CSMD3: variants seen among roughly 807,000 people sequenced by gnomAD.
The protein encoded by CSMD3 is CUB and sushi domain-containing protein 3.
CSMD3 carries 177 observed loss-of-function variants against 435.2 expected under a neutral mutation model. The observed-to-expected ratio is 0.41, with a 90% CI of 0.36 to 0.46. CSMD3 has a LOEUF of 0.46. CSMD3 is among the 20% of genes least tolerant of loss of function. The pLI, the probability that CSMD3 is intolerant of heterozygous loss-of-function variation, is 0.34. For synonymous variants in CSMD3, 1,656 were observed against 1,520.5 expected (o/e 1.09, Z -2.07); for missense variants, 4,265 against 4,504.6 (o/e 0.95, Z 1.52).
At position 112,492,470 on chromosome 8, in the gene CSMD3, C is replaced by CA. The variant is rs747688162; in HGVS notation, c.5278+18dup. 9 of 1,607,390 alleles carry CA rather than the reference C, an allele frequency of 5.6e-6. No individual in the cohort carries two copies. In the African/African-American group the frequency reaches 1.1e-4, roughly 19 times the overall value. ...TTTTTTCTAATCATGAAAATTCAGC[C>CA]AAAAAATATGTTCCTTACCATGACA... On this transcript the variant is annotated intron_variant, in intron 31 of 70. Transcript: ENST00000297405.
At position 112,638,993 on chromosome 8, in the gene CSMD3, G is replaced by T. The variant is rs372895234; in HGVS notation, c.3311-82C>A. The T allele has an allele frequency of 3.3e-6, 3 of 905,398 alleles. No homozygotes were observed. The East Asian group carries it at 7.8e-5, about 23-fold the overall frequency. The allele number at this position is 905,398 out of a possible 1,614,324, so 56.1% of individuals were successfully genotyped here. A position where few individuals can be genotyped will look rare whatever the true frequency, so the allele number is the denominator to read the frequency against. ...TTACTGTCAAACTAACTATTAGCCA[G>T]GACTTTACTTATAATTAAATTTTCT... On this transcript the variant is annotated intron_variant, in intron 20 of 70. Transcript: ENST00000297405.
chr8:113,046,237 A>T (rs1456776423), intron 5 of CSMD3, among the ~76,000 whole-genome samples: 1 of 149,036 alleles, frequency 6.7e-6, no homozygotes, highest in Non-Finnish European at 1.5e-5. Context: ...GTGTGAGGGA[A>T]AGGCCCCTAC....
chr8:112,636,750 G>A (rs2074671164), intron 22 of CSMD3, 67 bp downstream of exon 22: 6 of 1,261,128 alleles, frequency 4.8e-6, no homozygotes, highest in African/African-American at 1.5e-5. Flanking sequence ...AGAACGAAGG[G>A]TGTAACCATG....
chr8:113,436,621 T>C (rs2130148120), intron 1 of CSMD3, 56 bp downstream of exon 1: 3 of 1,506,864 alleles, frequency 2.0e-6, no homozygotes, highest in Non-Finnish European at 2.8e-6. Context: ...CCTCTCTCCA[T>C]CTACAAGTCA....
intron 20 of CSMD3, among the ~76,000 whole-genome samples, chr8:112,640,826 G>C (rs2074802646): frequency 6.6e-6 from 1 of 151,912 alleles, no homozygotes; most frequent in Non-Finnish European, 1.5e-5. Context: ...TCTTATTTCT[G>C]CTATAAAGCT....
chr8:112,718,426 T>C lies in CSMD3; in HGVS notation c.1973-28376A>G, dbSNP rs965638961. Among the ~76,000 whole-genome samples the C allele has an allele frequency of 3.9e-5, 6 of 152,028 alleles. No homozygotes were observed. In the East Asian group the frequency reaches 9.7e-4, roughly 25 times the overall value. The stretch of plus-strand genomic sequence containing the variant: ...CTCAACTCAACTCAAAATCACACTT[T>C]GATAGGCAAAGCTTGAACTATTTCA... On this transcript the variant is annotated intron_variant, in intron 13 of 70. Coordinates refer to ENST00000297405, the MANE Select transcript of CSMD3 (RefSeq NM_198123.2).
chr8:112,730,518 T>C (rs1251454438), intron 13 of CSMD3, among the ~76,000 whole-genome samples: 1 of 152,140 alleles, frequency 6.6e-6, no homozygotes, highest in Non-Finnish European at 1.5e-5. Context: ...CTTGCAGTAG[T>C]TTGACAATAT....
chr8:112,692,766 G>C (rs894158579), intron 13 of CSMD3, among the ~76,000 whole-genome samples: 1 of 152,074 alleles, frequency 6.6e-6, no homozygotes, highest in African/African-American at 2.4e-5. Flanking sequence ...TCCAAAAATA[G>C]GTAAGTATAG....
At chr8:112,408,259 T>C in intron 34 of CSMD3, 59 bp downstream of exon 34, 1 of 976,662 alleles carries the variant, frequency 1.0e-6, no homozygotes, top group South Asian at 1.3e-5. Context: ...AAACTCTGAA[T>C]ACATCATGGG....
At position 112,234,806 on chromosome 8, in the gene CSMD3, A is replaced by C. The variant is rs1025883821; in HGVS notation, c.10628-329T>G. On this transcript the variant is annotated intron_variant, in intron 67 of 70. Coordinates refer to ENST00000297405, the MANE Select transcript of CSMD3 (RefSeq NM_198123.2). ...TTTCTTCCCACAATCAGATTCTAAA[A>C]TTTTCAAGCATACAAATCCAGTGTT... 2.0e-5 allele frequency among the ~76,000 whole-genome samples: 3 copies of C among 152,290 alleles called. 1 individual carries two copies. The highest frequency in any genetic ancestry group is 6.8e-3 in the Middle Eastern group (2 of 294).
chr8:113,134,849 G>T (rs1432509362), intron 4 of CSMD3, among the ~76,000 whole-genome samples: 2 of 151,964 alleles, frequency 1.3e-5, no homozygotes, highest in Non-Finnish European at 2.9e-5. Context: ...GGTGGCATCT[G>T]TTCAGCTTCC....
chr8:113,410,954 A>AAAGAAAGAAAGG (rs1554633027), intron 1 of CSMD3, among the ~76,000 whole-genome samples: 1 of 147,076 alleles, frequency 6.8e-6, no homozygotes, highest in Non-Finnish European at 1.5e-5. Flanking sequence ...AGAAAGAAAG[A>AAAGAAAGAAAGG]GAAGGGAGGG....
At chr8:112,678,093 G>A (rs2075807330) in intron 16 of CSMD3, among the ~76,000 whole-genome samples, 1 of 152,134 alleles carries the variant, frequency 6.6e-6, no homozygotes, top group South Asian at 2.1e-4. Context: ...TCCATTGGGA[G>A]GGTAGCCTGC....
intron 5 of CSMD3, among the ~76,000 whole-genome samples, chr8:113,055,950 G>C (rs554169310): frequency 6.6e-6 from 1 of 152,178 alleles, no homozygotes; most frequent in African/African-American, 2.4e-5. Flanking sequence ...AACTGTGACA[G>C]TTGGGTGAAG....
In CSMD3 at chr8:112,800,238, G is replaced by A. The variant is rs201411480; in HGVS notation, c.1896C>T (p.Ser632=). The part of the protein sequence containing the change: ...TGSFVPDLIV[S]MSSQMWLHLQ... ...GGTGCAGCCACATTTGGCTACTCAT[G>A]CTCACTATCAAGTCTGGTACAAAGC... The change falls in exon 13 of 71, where the codon AGC becomes AGT. Residue 632 remains serine (S), a synonymous_variant. Transcript: ENST00000297405. 1.1e-5 allele frequency: 18 copies of A among 1,612,720 alleles called. No individual in the cohort carries two copies. The African/African-American group carries it at 2.3e-4, about 20-fold the overall frequency.
intron 17 of CSMD3, among the ~76,000 whole-genome samples, chr8:112,660,219 G>T (rs552567417): frequency 2.0e-5 from 3 of 152,120 alleles, no homozygotes; most frequent in African/African-American, 7.2e-5. Flanking sequence ...AGATACTTTA[G>T]AAATAATATT....
At chr8:112,832,310 G>C (rs1043911598) in intron 11 of CSMD3, among the ~76,000 whole-genome samples, 4 of 152,024 alleles carry the variant, frequency 2.6e-5, no homozygotes, top group African/African-American at 9.7e-5. Context: ...GAAAATGACG[G>C]ATTATCAATC....
Position 112,304,789 on chromosome 8 carries a change from C to T in CSMD3, c.8198G>A (p.Gly2733Asp), listed in dbSNP as rs1199772797. The change falls in exon 52 of 71, where the codon GGT becomes GAT. Residue 2733 changes from glycine to aspartate, a missense_variant. Physicochemically the swap from Gly to Asp is moderately conservative, Grantham distance 94. Coordinates refer to ENST00000297405, the MANE Select transcript of CSMD3 (RefSeq NM_198123.2). ...AGGAAGACATTCGATGGAGGCAGGA[C>T]CTAGTCCATGATAACCAGGGTCACA... Reference protein sequence around the residue: ...FSCDPGYHGLGPASIECLPNG... With the variant: ...FSCDPGYHGLDPASIECLPNG... 6.2e-7 allele frequency: 1 copy of T among 1,613,886 alleles called. No individual in the cohort carries two copies. The highest frequency in any genetic ancestry group is 1.1e-5 in the South Asian group (1 of 91,086).
rs746392947 is a variant in CSMD3, at chr8:112,408,390, C to T, written c.5533G>A (p.Gly1845Ser). The T allele has an allele frequency of 8.1e-6, 13 of 1,609,236 alleles. No homozygotes were observed. The African/African-American group carries it at 1.5e-4, about 18-fold the overall frequency. The change falls in exon 34 of 71, where the codon GGT (glycine) becomes AGT (serine). Residue 1845 changes from glycine to serine, a missense_variant. Coordinates refer to ENST00000297405, the MANE Select transcript of CSMD3 (RefSeq NM_198123.2). The part of the protein sequence containing the change: ...HSGESLPLSS[G>S]NQITIRFTSV... The stretch of plus-strand genomic sequence containing the variant: ...GTAAATCGAATTGTGATCTGATTAC[C>T]TGAACTCAGTGGAAGTGATTCTCCT...
Sources: gnomAD v4.1 joint callset for allele counts (sites outside exome capture counted in the v4.1 genomes callset) on GRCh38, gnomAD v4.1.1 for gene constraint, MANE v1.5 for transcripts, NCBI Gene and HGNC (gene_info 2026-07-23, HGNC 2026-07-21) for gene names.